CDH13: variants seen among roughly 807,000 people sequenced by gnomAD.
CDH13 encodes the protein cadherin 13.
A neutral mutation model predicts 63.8 loss-of-function variants in CDH13; 24 were observed. The observed-to-expected ratio is 0.38, with a 90% CI of 0.27 to 0.53. The LOEUF is 0.53. Among genes scored for constraint, CDH13 ranks in the 20% least tolerant of loss-of-function variants. CDH13 has a pLI of 0.85. For missense variants in CDH13, 1,049 were observed against 903.1 expected (o/e 1.16, Z -2.07); for synonymous variants, 503 against 355.3 (o/e 1.42, Z -4.67).
chr16:83,409,944 T>G (rs745635), intron 6 of CDH13, among the ~76,000 whole-genome samples: 2 of 152,224 alleles, frequency 1.3e-5, no homozygotes, highest in African/African-American at 4.8e-5. Context: ...GAGAAATGTT[T>G]CCAGAAGATA....
intron 6 of CDH13, among the ~76,000 whole-genome samples, chr16:83,367,829 A>C (rs1257585572): frequency 6.6e-6 from 1 of 152,226 alleles, no homozygotes; most frequent in East Asian, 1.9e-4. Flanking sequence ...AGGCAGCTGG[A>C]ATTTTGAAAG....
chr16:82,858,279 TC>T, intron 1 of CDH13, 82 bp from the exon 2 acceptor site: 1 of 810,426 alleles, frequency 1.2e-6, no homozygotes. Flanking sequence ...TCAGCTTGTT[TC>T]TAAAAGTTGC....
intron 2 of CDH13, among the ~76,000 whole-genome samples, chr16:82,921,351 A>G (rs1006797197): frequency 3.9e-5 from 6 of 152,102 alleles, no homozygotes; most frequent in Non-Finnish European, 7.4e-5. Context: ...TTGTAGTCAC[A>G]TCACTTTGAT....
intron 1 of CDH13, among the ~76,000 whole-genome samples, chr16:82,850,596 G>GA (rs957900414): frequency 2.7e-4 from 41 of 151,976 alleles, no homozygotes; most frequent in African/African-American, 9.4e-4. Context: ...TTTCTATTTT[G>GA]AAAAAAAAGT....
intron 2 of CDH13, among the ~76,000 whole-genome samples, chr16:82,937,491 C>G (rs1051244946): frequency 1.4e-4 from 21 of 152,194 alleles, no homozygotes; most frequent in African/African-American, 5.1e-4. Context: ...TCCGTGAGAA[C>G]AGAGTCAGCA....
chr16:83,647,310 C>T (rs1911920650), intron 8 of CDH13, among the ~76,000 whole-genome samples: 2 of 125,452 alleles, frequency 1.6e-5, no homozygotes, highest in Admixed American at 8.0e-5. Context: ...GAGACTCTGT[C>T]TCAAAAAAAA....
Position 82,997,121 on chromosome 16 carries a change from G to A in CDH13, c.158-34889G>A, listed in dbSNP as rs369065902. Among the ~76,000 whole-genome samples, 1,140 of 143,956 alleles carry A rather than the reference G, an allele frequency of 7.9e-3. 9 individuals carry two copies. Among genetic ancestry groups the A allele is most frequent in the African/African-American group, 0.028 (1,024 of 36,910 alleles). The allele number at this position is 143,956 out of a possible 152,430, so 94.4% of individuals were successfully genotyped here. ...TGGTGATGGTAGTGGTGGTGATGCT[G>A]ATGGTGGTGATGGTGGTGATGATGG... is the stretch of plus-strand genomic sequence containing the variant. On this transcript the variant is annotated intron_variant, in intron 2 of 13. Coordinates refer to ENST00000567109, the MANE Select transcript of CDH13 (RefSeq NM_001257.5).
At chr16:83,669,230 T>G (rs1914284137) in intron 8 of CDH13, among the ~76,000 whole-genome samples, 1 of 152,130 alleles carries the variant, frequency 6.6e-6, no homozygotes. Flanking sequence ...CCCGGGCAGT[T>G]TCTCTTTCAT....
chr16:83,404,407 C>G (rs2151446896), intron 6 of CDH13, among the ~76,000 whole-genome samples: 1 of 152,300 alleles, frequency 6.6e-6, no homozygotes. Flanking sequence ...ATAACGTTGT[C>G]ATTATATCCT....
intron 3 of CDH13, among the ~76,000 whole-genome samples, chr16:83,052,804 A>AG (rs2030512184): frequency 6.9e-6 from 1 of 145,684 alleles, no homozygotes; most frequent in African/African-American, 2.5e-5. Context: ...AAAAAAAAAA[A>AG]GAAAGAAATT....
At chr16:83,062,678 G>C (rs367865201) in intron 3 of CDH13, among the ~76,000 whole-genome samples, 2 of 152,178 alleles carry the variant, frequency 1.3e-5, no homozygotes, top group East Asian at 1.9e-4. Context: ...AGGTGTTTCA[G>C]TTAGCTATGG....
chr16:82,631,685 T>C (rs7204653), intron 1 of CDH13, among the ~76,000 whole-genome samples: 1 of 152,096 alleles, frequency 6.6e-6, no homozygotes, highest in Non-Finnish European at 1.5e-5. Flanking sequence ...GGCTGTAGGA[T>C]CTCTTGCTCC....
At chr16:82,961,048 GT>G (rs1906904644) in intron 2 of CDH13, among the ~76,000 whole-genome samples, 1 of 152,138 alleles carries the variant, frequency 6.6e-6, no homozygotes, top group Non-Finnish European at 1.5e-5. Context: ...CAGATGCTCC[GT>G]TTTTATGCAT....
chr16:82,973,348 A>C (rs189833771), intron 2 of CDH13, among the ~76,000 whole-genome samples: 1 of 152,194 alleles, frequency 6.6e-6, no homozygotes, highest in South Asian at 2.1e-4. Flanking sequence ...TTTCTGTTCC[A>C]AACATAGCTT....
chr16:83,159,387 C>T (rs1489091730), intron 4 of CDH13, among the ~76,000 whole-genome samples: 1 of 152,202 alleles, frequency 6.6e-6, no homozygotes, highest in Non-Finnish European at 1.5e-5. Context: ...AGTCAAATCA[C>T]ATTTCCATAT....
chr16:83,670,149 A>G (rs1383613775), intron 8 of CDH13, among the ~76,000 whole-genome samples: 3 of 152,214 alleles, frequency 2.0e-5, no homozygotes, highest in Non-Finnish European at 4.4e-5. Flanking sequence ...CTGGATATGG[A>G]GTGGGAAGGA....
chr16:83,159,824 T>C (rs1389184323), intron 4 of CDH13, among the ~76,000 whole-genome samples: 1 of 152,150 alleles, frequency 6.6e-6, no homozygotes, highest in Non-Finnish European at 1.5e-5. Flanking sequence ...TCTGTAATCC[T>C]AGCACTTTGG....
In CDH13 at chr16:83,074,182, C is replaced by T. The variant is rs534696646; in HGVS notation, c.366+41964C>T. 5.3e-5 allele frequency among the ~76,000 whole-genome samples: 8 copies of T among 152,342 alleles called. No homozygotes were observed. The South Asian group carries it at 1.7e-3, about 32-fold the overall frequency. On this transcript the variant is annotated intron_variant, in intron 3 of 13. Transcript: ENST00000567109. ...TGCATCCTTCCCAGCCTCTGGTAAC[C>T]ACCATTGCGCTCTTTTTCTCCATAT... is the stretch of plus-strand genomic sequence containing the variant.
intron 5 of CDH13, among the ~76,000 whole-genome samples, chr16:83,321,373 T>G (rs1013849948): frequency 1.3e-5 from 2 of 152,194 alleles, no homozygotes; most frequent in Non-Finnish European, 2.9e-5. Flanking sequence ...GGCACGTCAC[T>G]CACCCTTCAT....
Sources: gnomAD v4.1 joint callset for allele counts (sites outside exome capture counted in the v4.1 genomes callset) on GRCh38, gnomAD v4.1.1 for gene constraint, MANE v1.5 for transcripts, NCBI Gene and HGNC (gene_info 2026-07-23, HGNC 2026-07-21) for gene names.